The following SEMA6D variants were observed in gnomAD, a reference collection of about 807,000 sequenced individuals.
SEMA6D encodes the protein semaphorin 6D.
SEMA6D carries 35 observed loss-of-function variants against 106.6 expected under a neutral mutation model. The observed-to-expected ratio is 0.33, with a 90% CI of 0.25 to 0.44. SEMA6D has a LOEUF of 0.44. Among genes scored for constraint, SEMA6D ranks in the 20% least tolerant of loss-of-function variants. The pLI, the probability that SEMA6D is intolerant of heterozygous loss-of-function variation, is 1.00. For synonymous variants in SEMA6D, 499 were observed against 487.7 expected, an observed-to-expected ratio of 1.02 and a Z score of -0.31; for missense variants, 1,185 against 1,345.9, an observed-to-expected ratio of 0.88 and a Z score of 1.87.
At chr15:47,468,106 C>T (rs2042718822) in intron 2 of SEMA6D, among the ~76,000 whole-genome samples, 1 of 152,042 alleles carries the variant, frequency 6.6e-6, no homozygotes, top group African/African-American at 2.4e-5. Context: ...GTTGGAAATA[C>T]AGTACAATCA....
intron 2 of SEMA6D, among the ~76,000 whole-genome samples, chr15:47,455,925 AG>A (rs2042332497): frequency 6.6e-6 from 1 of 151,916 alleles, no homozygotes; most frequent in African/African-American, 2.4e-5. Flanking sequence ...TTTTTTAAAG[AG>A]GGGACCCTCA....
intron 1 of SEMA6D, among the ~76,000 whole-genome samples, chr15:47,244,347 A>G (rs1480319892): frequency 6.6e-6 from 1 of 152,178 alleles, no homozygotes; most frequent in African/African-American, 2.4e-5. Flanking sequence ...TCTGCGAAGA[A>G]GAATATCTTT....
At chr15:47,348,763 G>T (rs1373629374) in intron 1 of SEMA6D, among the ~76,000 whole-genome samples, 1 of 125,314 alleles carries the variant, frequency 8.0e-6, no homozygotes, top group African/African-American at 2.6e-5. Flanking sequence ...GAGAGAGAGA[G>T]AGATTTTTTC....
At chr15:47,587,477 C>G (rs781415336) in intron 3 of SEMA6D, among the ~76,000 whole-genome samples, 1 of 152,108 alleles carries the variant, frequency 6.6e-6, no homozygotes, top group Admixed American at 6.5e-5. Flanking sequence ...ATGTTGAAAC[C>G]CTTACAGTTG....
chr15:47,356,776 G>A (rs2038590366), intron 1 of SEMA6D, among the ~76,000 whole-genome samples: 1 of 152,122 alleles, frequency 6.6e-6, no homozygotes, highest in Non-Finnish European at 1.5e-5. Context: ...CCTTCCATCT[G>A]CCTGTCCATC....
At chr15:47,494,741 G>GATAGATAGATAT (rs1197901780) in intron 3 of SEMA6D, among the ~76,000 whole-genome samples, 2 of 32,986 alleles carry the variant, frequency 6.1e-5, no homozygotes, top group African/African-American at 1.3e-4. Flanking sequence ...GTGGGATGGA[G>GATAGATAGATAT]ATATATATAT....
At position 47,368,411 on chromosome 15, in the gene SEMA6D, C is replaced by T. The variant is rs1309299930; in HGVS notation, c.-238-43982C>T. On this transcript the variant is annotated intron_variant, in intron 1 of 19. Coordinates refer to the SEMA6D transcript ENST00000558014. ...CATACCCACTCCACACAATCCAGGC[C>T]ACTCTTTTGGATATCTTTTGCCTTT... 2.0e-5 allele frequency among the ~76,000 whole-genome samples: 3 copies of T among 152,188 alleles called. No individual in the cohort carries two copies. In the East Asian group the frequency reaches 5.8e-4, roughly 29 times the overall value.
chr15:47,293,374 C>T (rs774430210), intron 1 of SEMA6D, among the ~76,000 whole-genome samples: 20 of 152,216 alleles, frequency 1.3e-4, no homozygotes, highest in Non-Finnish European at 2.5e-4. Flanking sequence ...CAGTTCCTTA[C>T]TGGGCTGTCT....
intron 1 of SEMA6D, among the ~76,000 whole-genome samples, chr15:47,198,652 C>G (rs1213482281): frequency 1.3e-5 from 2 of 152,082 alleles, no homozygotes; most frequent in East Asian, 1.9e-4. Flanking sequence ...TTCACACTTG[C>G]AATTGGATGA....
chr15:47,760,689 G>C (rs1010278541), intron 3 of SEMA6D, among the ~76,000 whole-genome samples: 1 of 151,804 alleles, frequency 6.6e-6, no homozygotes, highest in Non-Finnish European at 1.5e-5. Context: ...TTCTTTATGC[G>C]TTTTTAACTT....
chr15:47,370,745 A>C (rs2039243892), intron 1 of SEMA6D, among the ~76,000 whole-genome samples: 1 of 150,492 alleles, frequency 6.6e-6, no homozygotes, highest in Non-Finnish European at 1.5e-5. Context: ...CAGTAGTCCC[A>C]GCTACTCATA....
At chr15:47,646,114 T>C (rs1291761874) in intron 4 of SEMA6D, among the ~76,000 whole-genome samples, 1 of 152,080 alleles carries the variant, frequency 6.6e-6, no homozygotes, top group Admixed American at 6.5e-5. Flanking sequence ...TTCAGTCTTC[T>C]ATCCTCCCCA....
At chr15:47,541,494 A>C (rs17376095) in intron 3 of SEMA6D, among the ~76,000 whole-genome samples, 15,992 of 152,148 alleles carry the variant, frequency 0.11, 1,148 homozygotes, top group South Asian at 0.15. Flanking sequence ...CTCAGCCAAA[A>C]CTGATGTTTC....
chr15:47,760,141 A>G (rs2081982693), intron 2 of SEMA6D, among the ~76,000 whole-genome samples, 163 bp from the exon 3 acceptor site: 1 of 152,178 alleles, frequency 6.6e-6, no homozygotes, highest in Admixed American at 6.5e-5. Context: ...TAAAAAGACC[A>G]TTTGCTGACA....
At chr15:47,602,702 C>A (rs1212963754) in intron 4 of SEMA6D, among the ~76,000 whole-genome samples, 1 of 152,108 alleles carries the variant, frequency 6.6e-6, no homozygotes, top group Non-Finnish European at 1.5e-5. Flanking sequence ...CTGAATCAAG[C>A]CTGGATCTCA....
intron 1 of SEMA6D, among the ~76,000 whole-genome samples, chr15:47,213,055 C>CT (rs2030196584): frequency 7.7e-6 from 1 of 129,906 alleles, no homozygotes; most frequent in African/African-American, 3.0e-5. Flanking sequence ...TCCAAGAGAA[C>CT]TTTCTGAAGT....
intron 1 of SEMA6D, among the ~76,000 whole-genome samples, chr15:47,218,053 T>TCTA (rs2030832086): frequency 6.6e-6 from 1 of 152,148 alleles, no homozygotes; most frequent in South Asian, 2.1e-4. Context: ...AAAATCCTCT[T>TCTA]CTACTTTTGG....
chr15:47,281,668 A>AT (rs1296261389), intron 1 of SEMA6D, among the ~76,000 whole-genome samples: 1 of 151,910 alleles, frequency 6.6e-6, no homozygotes, highest in African/African-American at 2.4e-5. Context: ...AGCTGGTACT[A>AT]TTTTTTTGAT....
In SEMA6D at chr15:47,773,151, G is replaced by A. The variant is rs577667486; in HGVS notation, c.*1366G>A. The A allele has an allele frequency of 6.6e-6, 1 of 152,662 alleles. No homozygotes were observed. The highest frequency in any genetic ancestry group is 2.1e-4 in the South Asian group (1 of 4,818). 9.5% of individuals were successfully genotyped at this position (152,662 alleles called of 1,614,324 possible). Reference sequence around the variant, plus strand: ...CAGTATAGCACATTATTTACTGAGTGCCAGTTGTAAATGTTTTTCAACCAG... The same window carrying A: ...CAGTATAGCACATTATTTACTGAGTACCAGTTGTAAATGTTTTTCAACCAG... On this transcript the variant is annotated 3_prime_UTR_variant, in exon 19 of 19. Coordinates refer to ENST00000536845, the MANE Select transcript of SEMA6D (RefSeq NM_001358351.3).
Sources: gnomAD v4.1 joint callset for allele counts (sites outside exome capture counted in the v4.1 genomes callset) on GRCh38, gnomAD v4.1.1 for gene constraint, MANE v1.5 for transcripts, NCBI Gene and HGNC (gene_info 2026-07-23, HGNC 2026-07-21) for gene names.